The following ZBTB46 variants were observed in gnomAD, a reference collection of about 807,000 sequenced individuals.
The protein encoded by ZBTB46 is zinc finger and BTB domain-containing protein 46.
Under a neutral mutation model 44.1 loss-of-function variants are expected in ZBTB46, and 8 were observed. The ratio of observed to expected loss-of-function variants is 0.18; its 90% CI spans 0.11 to 0.33. ZBTB46 has a LOEUF of 0.33. ZBTB46 is among the 10% of genes least tolerant of loss of function. The probability of loss-of-function intolerance (pLI) is 1.00; values close to 1 mark genes in which losing one functional copy is unlikely to be tolerated. For synonymous variants in ZBTB46, 409 were observed against 382.3 expected, an observed-to-expected ratio of 1.07 and a Z score of -0.81; for missense variants, 651 against 847.7, an observed-to-expected ratio of 0.77 and a Z score of 2.88.
At chr20:63,776,930 G>A (rs976920452) in intron 2 of ZBTB46, among the ~76,000 whole-genome samples, 2 of 152,056 alleles carry the variant, frequency 1.3e-5, no homozygotes, top group Admixed American at 6.6e-5. Context: ...TGGCCAAGAC[G>A]CACAGGAAGA....
chr20:63,819,949 A>C (rs1280183246), intron 1 of ZBTB46, among the ~76,000 whole-genome samples: 5 of 152,234 alleles, frequency 3.3e-5, no homozygotes, highest in African/African-American at 1.2e-4. Flanking sequence ...AAGCAACGAA[A>C]TACTATAGAT....
intron 3 of ZBTB46, among the ~76,000 whole-genome samples, chr20:63,765,841 T>C (rs1207563138): frequency 1.3e-5 from 2 of 152,272 alleles, no homozygotes; most frequent in Non-Finnish European, 2.9e-5. Context: ...ATCATTTTAC[T>C]ATCTGCCACG....
At chr20:63,776,206 C>T (rs887586586) in intron 2 of ZBTB46, among the ~76,000 whole-genome samples, 2 of 152,202 alleles carry the variant, frequency 1.3e-5, no homozygotes, top group Non-Finnish European at 2.9e-5. Context: ...CTTTGGAGGA[C>T]GGCTCAACTC....
At position 63,767,799 on chromosome 20, in the gene ZBTB46, GC is replaced by G; in HGVS notation, c.1222+7878del. 1.1e-6 allele frequency: 1 copy of G among 877,162 alleles called. No individual in the cohort carries two copies. Among genetic ancestry groups the G allele is most frequent in the Non-Finnish European group, 1.4e-6 (1 of 730,994 alleles). The allele number at this position is 877,162 out of a possible 1,614,324, so 54.3% of individuals were successfully genotyped here. ...AGGCCAAGCCGTCCTGGCACTGGCT[GC>G]CCCCAGGGCTGGGCAAGTCCATCCA... On this transcript the variant is annotated intron_variant, in intron 3 of 4. Coordinates refer to ENST00000245663, the MANE Select transcript of ZBTB46 (RefSeq NM_001369741.1). The surrounding 1 kb of genome is among the most constrained non-coding windows in gnomAD (Gnocchi z 5.0).
intron 3 of ZBTB46, among the ~76,000 whole-genome samples, chr20:63,760,789 A>G (rs899960156): frequency 8.0e-5 from 11 of 137,784 alleles, no homozygotes; most frequent in Non-Finnish European, 1.7e-4. Flanking sequence ...TTTTCAACAC[A>G]CTGGCTTTGG....
intron 3 of ZBTB46, among the ~76,000 whole-genome samples, chr20:63,765,676 C>T (rs547903953): frequency 3.3e-5 from 5 of 152,008 alleles, no homozygotes; most frequent in African/African-American, 4.8e-5. Flanking sequence ...GCAATCCTCC[C>T]GCCACAACCT....
At chr20:63,751,362 G>A (rs547353615) in intron 4 of ZBTB46, among the ~76,000 whole-genome samples, 7 of 152,292 alleles carry the variant, frequency 4.6e-5, no homozygotes, top group Non-Finnish European at 8.8e-5. Context: ...GGGGCATCAG[G>A]GAAGGCCAGA....
chr20:63,799,786 G>C (rs975474159), intron 1 of ZBTB46, among the ~76,000 whole-genome samples: 1 of 152,162 alleles, frequency 6.6e-6, no homozygotes, highest in African/African-American at 2.4e-5. Flanking sequence ...TCCCCCATGA[G>C]AGTGGCCAGG....
chr20:63,788,518 A>G (rs981886679), intron 2 of ZBTB46, among the ~76,000 whole-genome samples: 1 of 152,166 alleles, frequency 6.6e-6, no homozygotes. Flanking sequence ...GCAGGACCCA[A>G]GGGGAGACCC....
At chr20:63,827,616 A>G (rs1365828679) in intron 1 of ZBTB46, among the ~76,000 whole-genome samples, 8 of 119,484 alleles carry the variant, frequency 6.7e-5, no homozygotes, top group Admixed American at 6.3e-4. Flanking sequence ...CTCCGTCTCA[A>G]AAAAAAAAAA....
At chr20:63,779,685 G>A (rs1453203645) in intron 2 of ZBTB46, among the ~76,000 whole-genome samples, 1 of 151,850 alleles carries the variant, frequency 6.6e-6, no homozygotes, top group Non-Finnish European at 1.5e-5. Context: ...CTCCGAGAGT[G>A]CTGGGATTAC....
At chr20:63,817,231 C>A (rs951558049) in intron 1 of ZBTB46, among the ~76,000 whole-genome samples, 1 of 151,864 alleles carries the variant, frequency 6.6e-6, no homozygotes, top group Non-Finnish European at 1.5e-5. Context: ...CATAGGGAGA[C>A]CCTGTCCCTA....
At chr20:63,754,688 C>T (rs140147961) in intron 3 of ZBTB46, among the ~76,000 whole-genome samples, 1,619 of 151,972 alleles carry the variant, frequency 0.011, 23 homozygotes, top group African/African-American at 0.037. Context: ...CAAGCTCTGC[C>T]TCCCGGGTTC....
rs371465858 is a variant in ZBTB46 at position 63,827,573 on chromosome 20, A to G, written c.-34+3524T>C. 2.1e-4 allele frequency among the ~76,000 whole-genome samples: 31 copies of G among 149,446 alleles called. No homozygotes were observed. The South Asian group carries it at 6.7e-3, about 32-fold the overall frequency. ...CAGTGAGCCGAGATTGCGCCACTGC[A>G]GTCCGCAGTCCGGCCTGGGCGACAG... On this transcript the variant is annotated intron_variant, in intron 1 of 4. Coordinates refer to ENST00000245663, the MANE Select transcript of ZBTB46 (RefSeq NM_001369741.1).
chr20:63,749,124 T>C (rs926333886), intron 4 of ZBTB46, among the ~76,000 whole-genome samples: 3 of 152,208 alleles, frequency 2.0e-5, no homozygotes, highest in African/African-American at 4.8e-5. Context: ...ACTTCTCAAA[T>C]GTCTGCTTCC....
intron 1 of ZBTB46, among the ~76,000 whole-genome samples, chr20:63,820,340 C>G (rs1463705539): frequency 6.6e-6 from 1 of 152,016 alleles, no homozygotes; most frequent in East Asian, 1.9e-4. Flanking sequence ...ACCTCATGAT[C>G]CGCCTGCCTC....
rs376320552 is a variant in ZBTB46 at position 63,789,907 on chromosome 20, T to C, written c.851A>G (p.Gln284Arg). ...GGCCCGGCTGTCATCTTCCACCTGCTGTGTGATGTGCCGGACGGTCTCTTT... is the reference window on the plus strand; with the variant it reads ...GGCCCGGCTGTCATCTTCCACCTGCCGTGTGATGTGCCGGACGGTCTCTTT... ...KNKETVRHIT[Q>R]QVEDDSRASS... Residue 284 changes from glutamine to arginine, a missense_variant, in exon 2 of 5, where the codon CAG (glutamine) becomes CGG (arginine). Gln to Arg is a conservative substitution (Grantham distance 43, BLOSUM62 1). This residue lies in a region of ZBTB46 where 385 missense variants were observed against 423.3 expected (regional missense o/e 0.91). Transcript: ENST00000245663. 1.5e-5 allele frequency: 25 copies of C among 1,613,958 alleles called. No homozygotes were observed. In the African/African-American group the frequency reaches 2.8e-4, roughly 18 times the overall value.
upstream of ZBTB46, among the ~76,000 whole-genome samples, chr20:63,831,528 G>A (rs1316772322): frequency 6.8e-6 from 1 of 147,880 alleles, no homozygotes; most frequent in Non-Finnish European, 1.5e-5. Flanking sequence ...GCCGGACAGC[G>A]GAAGTGCGGG....
intron 1 of ZBTB46, among the ~76,000 whole-genome samples, chr20:63,794,336 T>C (rs1434273328): frequency 6.6e-6 from 1 of 152,008 alleles, no homozygotes; most frequent in Non-Finnish European, 1.5e-5. Flanking sequence ...GGACCACAGG[T>C]GCACACCCCA....
Sources: allele counts gnomAD v4.1 joint callset (sites outside exome capture counted in the v4.1 genomes callset), GRCh38; gene constraint gnomAD v4.1.1; regional missense constraint gnomAD v4.1.1; non-coding constraint Gnocchi (gnomAD v3.1); transcripts MANE v1.5; gene names NCBI Gene and HGNC (gene_info 2026-07-23, HGNC 2026-07-21).